DCLK1: variants seen among roughly 807,000 people sequenced by gnomAD.
DCLK1 encodes serine/threonine-protein kinase DCLK1.
Under a neutral mutation model 86.2 loss-of-function variants are expected in DCLK1, and 16 were observed. The ratio of observed to expected loss-of-function variants is 0.19; its 90% CI spans 0.13 to 0.28. The LOEUF (loss-of-function observed/expected upper bound fraction) is 0.28. DCLK1 is among the 10% of genes least tolerant of loss of function. The probability of loss-of-function intolerance (pLI) is 1.00; values close to 1 mark genes in which losing one functional copy is unlikely to be tolerated. For missense variants in DCLK1, 590 were observed against 940.2 expected (o/e 0.63, Z 4.87); for synonymous variants, 369 against 370.5 (o/e 1.00, Z 0.05).
chr13:35,886,538 G>A (rs987694467), intron 4 of DCLK1, among the ~76,000 whole-genome samples: 16 of 152,248 alleles, frequency 1.1e-4, no homozygotes, highest in Admixed American at 7.8e-4. Flanking sequence ...AAAAGTGTTC[G>A]GAAGAGTGCC....
chr13:36,064,695 G>T (rs945969361), intron 3 of DCLK1, among the ~76,000 whole-genome samples: 17 of 150,154 alleles, frequency 1.1e-4, no homozygotes, highest in African/African-American at 3.9e-4. Flanking sequence ...GGGAAAAGCA[G>T]GAAATGGGTA....
At chr13:35,798,030 C>T (rs1003935206) in intron 15 of DCLK1, among the ~76,000 whole-genome samples, 1 of 152,140 alleles carries the variant, frequency 6.6e-6, no homozygotes, top group African/African-American at 2.4e-5. Context: ...TTCTGAAGTT[C>T]GACACAGGCT....
intron 3 of DCLK1, among the ~76,000 whole-genome samples, chr13:36,035,387 T>A (rs569642645): frequency 9.0e-4 from 137 of 152,288 alleles, no homozygotes; most frequent in Non-Finnish European, 1.5e-3. Flanking sequence ...AAACCACAAA[T>A]GAAGCACTGG....
At chr13:35,909,265 A>G (rs1874861477) in intron 4 of DCLK1, among the ~76,000 whole-genome samples, 6 of 152,184 alleles carry the variant, frequency 3.9e-5, no homozygotes, top group Admixed American at 3.9e-4. Context: ...CCATTTCAAC[A>G]CTTACAACTT....
At chr13:36,087,010 G>T (rs1472998761) in intron 3 of DCLK1, among the ~76,000 whole-genome samples, 1 of 152,148 alleles carries the variant, frequency 6.6e-6, no homozygotes, top group African/African-American at 2.4e-5. Context: ...TGAGTCAAAT[G>T]GTATTTCTGG....
intron 11 of DCLK1, among the ~76,000 whole-genome samples, chr13:35,816,974 T>C (rs892896175): frequency 6.6e-6 from 1 of 152,222 alleles, no homozygotes; most frequent in African/African-American, 2.4e-5. Flanking sequence ...ATTGCCTCTC[T>C]GACAGGTTCC....
chr13:35,809,153 T>C, intron 12 of DCLK1, 58 bp from the exon 13 acceptor site: 1 of 1,430,046 alleles, frequency 7.0e-7, no homozygotes, highest in Non-Finnish European at 9.6e-7. Flanking sequence ...ATTATGCAGC[T>C]TGGTAAAATC....
chr13:35,988,440 C>T (rs1249298715), intron 3 of DCLK1, among the ~76,000 whole-genome samples: 1 of 152,240 alleles, frequency 6.6e-6, no homozygotes, highest in African/African-American at 2.4e-5. Context: ...GGTCTGAGCA[C>T]TCACTCACTA....
chr13:36,128,783 T>C (rs1886273006), intron 1 of DCLK1, among the ~76,000 whole-genome samples: 1 of 152,242 alleles, frequency 6.6e-6, no homozygotes, highest in African/African-American at 2.4e-5. Context: ...ACTGGTTTCA[T>C]TGATTTTGAT....
rs1479966441 is a variant in DCLK1 at position 35,768,893 on chromosome 13, A to C, written c.*5642T>G. ...TATTCCTTCGTGAACTGAATGTGTC[A>C]ATTGTGAATTGAACTAAGGTGAAAT... On this transcript the variant is annotated 3_prime_UTR_variant, in exon 17 of 17. Transcript: ENST00000360631. 3 of 152,230 alleles carry C rather than the reference A, an allele frequency of 2.0e-5. No individual in the cohort carries two copies. Among genetic ancestry groups the C allele is most frequent in the African/African-American group, 7.2e-5 (3 of 41,456 alleles). The allele number at this position is 152,230 out of a possible 1,614,324, so 9.4% of individuals were successfully genotyped here.
intron 7 of DCLK1, among the ~76,000 whole-genome samples, chr13:35,837,234 T>C (rs905175848): frequency 4.6e-5 from 7 of 152,248 alleles, no homozygotes; most frequent in Non-Finnish European, 5.9e-5. Flanking sequence ...TCTCGATTTA[T>C]GATGATGCTC....
At chr13:36,126,682 A>T (rs1886199691) in intron 1 of DCLK1, among the ~76,000 whole-genome samples, 1 of 152,232 alleles carries the variant, frequency 6.6e-6, no homozygotes, top group African/African-American at 2.4e-5. Context: ...GAATTCCCAC[A>T]AAATAAACAC....
At chr13:35,867,306 A>G (rs1261473646) in intron 5 of DCLK1, among the ~76,000 whole-genome samples, 1 of 152,216 alleles carries the variant, frequency 6.6e-6, no homozygotes, top group Non-Finnish European at 1.5e-5. Flanking sequence ...CATTAAACAA[A>G]ATATGATCAG....
chr13:35,992,364 G>A (rs1034009249), intron 3 of DCLK1, among the ~76,000 whole-genome samples: 1 of 151,798 alleles, frequency 6.6e-6, no homozygotes, highest in African/African-American at 2.4e-5. Context: ...TCAAAATGGA[G>A]AATTACAATG....
At chr13:35,996,555 A>C (rs1880486311) in intron 3 of DCLK1, among the ~76,000 whole-genome samples, 1 of 152,184 alleles carries the variant, frequency 6.6e-6, no homozygotes, top group Non-Finnish European at 1.5e-5. Context: ...ATAGAACAAA[A>C]GGCTGACCTC....
chr13:35,917,453 C>T (rs1875485050), intron 4 of DCLK1, among the ~76,000 whole-genome samples: 5 of 152,150 alleles, frequency 3.3e-5, no homozygotes, highest in Admixed American at 3.3e-4. Context: ...CAGGTTGTGG[C>T]ACACCCGGCT....
At position 36,099,258 on chromosome 13, in the gene DCLK1, G is replaced by A. The variant is rs1008917487; in HGVS notation, c.723+12611C>T. On this transcript the variant is annotated intron_variant, in intron 3 of 16. Transcript: ENST00000360631. ...GCTGGGATTACAGGCATGAGCCACC[G>A]CGCCCAGCATTATTTGGATTCTTAA... Among the ~76,000 whole-genome samples, 13 of 152,244 alleles carry A rather than the reference G, an allele frequency of 8.5e-5. No individual in the cohort carries two copies. The East Asian group carries it at 1.4e-3, about 16-fold the overall frequency.
chr13:36,097,850 CA>C lies in DCLK1; in HGVS notation c.723+14018del, dbSNP rs879496156. Among the ~76,000 whole-genome samples, 519 of 140,846 alleles carry C rather than the reference CA, an allele frequency of 3.7e-3. 2 individuals are homozygous for C. The highest frequency in any genetic ancestry group is 0.011 in the African/African-American group (427 of 38,624). 92.4% of individuals were successfully genotyped at this position (140,846 alleles called of 152,430 possible). A position where few individuals can be genotyped will look rare whatever the true frequency, so the allele number is the denominator to read the frequency against. On this transcript the variant is annotated intron_variant, in intron 3 of 16. Transcript: ENST00000360631. ...AGCAATAAATTGTGAGCATTCTTAC[CA>C]AAAAAAAAAAGATGCACATGAATTT...
At chr13:35,791,659 A>C (rs1386782710) in intron 16 of DCLK1, among the ~76,000 whole-genome samples, 2 of 152,168 alleles carry the variant, frequency 1.3e-5, no homozygotes, top group Non-Finnish European at 2.9e-5. Context: ...GCCCTTAGTC[A>C]TTGTAAGACT....
Sources: allele counts gnomAD v4.1 joint callset (sites outside exome capture counted in the v4.1 genomes callset), GRCh38; gene constraint gnomAD v4.1.1; transcripts MANE v1.5; gene names NCBI Gene and HGNC (gene_info 2026-07-23, HGNC 2026-07-21).